FRYL: variants seen among roughly 807,000 people sequenced by gnomAD.
The protein encoded by FRYL is protein furry homolog-like.
In FRYL, 150 loss-of-function variants were observed where a neutral mutation model predicts 351.2. That is an observed-to-expected ratio of 0.43 (90% CI 0.37 to 0.49). The LOEUF is 0.49. FRYL is among the 20% of genes least tolerant of loss of function. The pLI, the probability that FRYL is intolerant of heterozygous loss-of-function variation, is 0.00. For missense variants in FRYL, 3,036 were observed against 3,619.3 expected, an observed-to-expected ratio of 0.84 and a Z score of 4.13; for synonymous variants, 1,153 against 1,257.1, an observed-to-expected ratio of 0.92 and a Z score of 1.75.
rs368158231 is a variant in FRYL at position 48,564,006 on chromosome 4, C to A, written c.3538G>T (p.Gly1180Cys). The A allele has an allele frequency of 6.2e-7, 1 of 1,614,146 alleles. No individual in the cohort carries two copies. The highest frequency in any genetic ancestry group is 1.1e-5 in the South Asian group (1 of 91,076). ...CAGCCGGCCGCCACCCTCCCGGAGC[C>A]CGTGTAGCAGCGGTCCACAGCCCAG... ...MYWAVDRCYT[G>C]SGRVAAGCFK... is the part of the protein sequence containing the mutation. Residue 1180 changes from glycine to cysteine, a missense_variant, in exon 31 of 64, where the codon GGC becomes TGC. Around this residue, in one of 7 missense-constraint regions of FRYL, gnomAD observed 1,987 missense variants for 2,311.7 expected, o/e 0.86. Transcript: ENST00000358350.
At position 48,606,523 on chromosome 4, in the gene FRYL, A is replaced by G; in HGVS notation, c.656T>C (p.Val219Ala). ...TTTCATTCCCATTATTAAGCTGATG[A>G]CACTTTGTACCACATGTGGGCTTTG... ...KEQSPHVVQS[V>A]ISLIMGMKFF... Residue 219 changes from valine to alanine, a missense_variant, in exon 10 of 64, where the codon GTC (valine) becomes GCC (alanine). This residue lies in a region of FRYL where 457 missense variants were observed against 566.6 expected (regional missense o/e 0.81). Transcript: ENST00000358350. 1 of 1,613,252 alleles carries G rather than the reference A, an allele frequency of 6.2e-7. No individual in the cohort carries two copies. The highest frequency in any genetic ancestry group is 1.1e-5 in the South Asian group (1 of 91,036).
At chr4:48,548,347 C>G (rs752747536) in intron 40 of FRYL, among the ~76,000 whole-genome samples, 2 of 152,170 alleles carry the variant, frequency 1.3e-5, no homozygotes, top group African/African-American at 2.4e-5. Context: ...CCTATCTCAA[C>G]TTTTCATTCA....
chr4:48,540,276 T>C (rs1729883223), intron 46 of FRYL, 77 bp downstream of exon 46: 3 of 1,460,196 alleles, frequency 2.1e-6, no homozygotes, highest in African/African-American at 1.4e-5. Flanking sequence ...CAGAAATTAG[T>C]AGATTTCAAA....
chr4:48,744,521 C>T (rs1051671142), intron 1 of FRYL, among the ~76,000 whole-genome samples: 1 of 152,108 alleles, frequency 6.6e-6, no homozygotes, highest in African/African-American at 2.4e-5. Flanking sequence ...CAGAGAAAAC[C>T]AACAAATAGT....
intron 7 of FRYL, among the ~76,000 whole-genome samples, chr4:48,610,643 A>T (rs1747889183): frequency 1.4e-5 from 2 of 147,124 alleles, no homozygotes; most frequent in African/African-American, 4.9e-5. Flanking sequence ...TATATATAGT[A>T]TATATGTATA....
intron 1 of FRYL, among the ~76,000 whole-genome samples, chr4:48,748,331 C>T (rs540863230): frequency 6.6e-6 from 1 of 152,264 alleles, no homozygotes; most frequent in South Asian, 2.1e-4. Context: ...AAATAGAACT[C>T]CGAAGTTATA....
intron 31 of FRYL, among the ~76,000 whole-genome samples, chr4:48,563,634 T>TAG: frequency 6.6e-6 from 1 of 151,078 alleles, no homozygotes; most frequent in East Asian, 2.0e-4. Context: ...CACTTGAGCC[T>TAG]AGGAGTTTGA....
chr4:48,733,757 G>A lies in FRYL; in HGVS notation c.-383-23059C>T, dbSNP rs575088872. Among the ~76,000 whole-genome samples the A allele has an allele frequency of 1.4e-3, 214 of 152,084 alleles. 1 individual carries two copies. Among genetic ancestry groups the A allele is most frequent in the African/African-American group, 4.6e-3 (190 of 41,504 alleles). On this transcript the variant is annotated intron_variant, in intron 1 of 63. Transcript: ENST00000358350. ...ATTAGGATTATTTTATTATAATAAG[G>A]TACTCACACTACTGATGTATATTGC...
chr4:48,616,376 C>G (rs1749434584), intron 7 of FRYL, among the ~76,000 whole-genome samples: 1 of 152,104 alleles, frequency 6.6e-6, no homozygotes, highest in Non-Finnish European at 1.5e-5. Flanking sequence ...CATTTCTTCA[C>G]CTGTAAAGTG....
At chr4:48,585,075 C>A (rs1334424150) in intron 19 of FRYL, among the ~76,000 whole-genome samples, 1 of 152,124 alleles carries the variant, frequency 6.6e-6, no homozygotes, top group Non-Finnish European at 1.5e-5. Flanking sequence ...GATGGGAGAT[C>A]TACTCTTGTG....
chr4:48,696,672 T>C (rs1162456966), intron 2 of FRYL, among the ~76,000 whole-genome samples: 1 of 152,128 alleles, frequency 6.6e-6, no homozygotes, highest in East Asian at 1.9e-4. Context: ...TCTGCACTTG[T>C]ATCCCGGAAC....
chr4:48,761,899 T>C (rs1665643158), intron 1 of FRYL, among the ~76,000 whole-genome samples: 1 of 152,204 alleles, frequency 6.6e-6, no homozygotes, highest in African/African-American at 2.4e-5. Flanking sequence ...TTTCTCAGAA[T>C]GTATCCCCAT....
chr4:48,748,464 A>C (rs1016776540), intron 1 of FRYL, among the ~76,000 whole-genome samples: 2 of 152,148 alleles, frequency 1.3e-5, no homozygotes, highest in African/African-American at 4.8e-5. Context: ...TCTGGGAAGG[A>C]GCACATGTGC....
Position 48,575,143 on chromosome 4 carries a change from A to G in FRYL, c.2820T>C (p.Leu940=). Residue 940 remains leucine (L), a synonymous_variant, in exon 25 of 64, where the codon CTT becomes CTC. Transcript: ENST00000358350. ...TAAAAGCTCCTGGGTTGGTCCTGCC[A>G]AGACCTAGAACAAGGGATTCTGTGA... ...MEITESLVLG[L]GRTNPGAFRE... is the part of the protein sequence containing the mutation. 1 of 1,613,962 alleles carries G rather than the reference A, an allele frequency of 6.2e-7. No homozygotes were observed.
intron 57 of FRYL, among the ~76,000 whole-genome samples, chr4:48,511,189 G>A (rs2148768316): frequency 6.6e-6 from 1 of 152,236 alleles, no homozygotes; most frequent in South Asian, 2.1e-4. Flanking sequence ...TTACAAAATA[G>A]TATTACTGAA....
At chr4:48,689,066 T>A (rs903000166) in intron 2 of FRYL, among the ~76,000 whole-genome samples, 2 of 152,224 alleles carry the variant, frequency 1.3e-5, no homozygotes, top group African/African-American at 2.4e-5. Flanking sequence ...AAAAATGCTG[T>A]GTAATGATAC....
At chr4:48,765,751 G>C (rs373813324) in intron 1 of FRYL, among the ~76,000 whole-genome samples, 2 of 152,254 alleles carry the variant, frequency 1.3e-5, no homozygotes, top group East Asian at 3.9e-4. Flanking sequence ...TATCCAAAAA[G>C]AGGTTAATTT....
At chr4:48,702,455 C>CAAA (rs34675617) in intron 2 of FRYL, among the ~76,000 whole-genome samples, 6 of 29,430 alleles carry the variant, frequency 2.0e-4, no homozygotes, top group East Asian at 1.3e-3. Flanking sequence ...GACTCTGTCT[C>CAAA]AAAAAAAAAA....
At chr4:48,572,999 A>C (rs1738684872) in intron 26 of FRYL, among the ~76,000 whole-genome samples, 187 bp downstream of exon 26, 1 of 152,212 alleles carries the variant, frequency 6.6e-6, no homozygotes, top group Non-Finnish European at 1.5e-5. Flanking sequence ...ACTTAAGTTA[A>C]AGCAATTTTT....
Sources: gnomAD v4.1 joint callset for allele counts (sites outside exome capture counted in the v4.1 genomes callset) on GRCh38, gnomAD v4.1.1 for gene constraint, gnomAD v4.1.1 regional missense constraint, MANE v1.5 for transcripts, NCBI Gene and HGNC (gene_info 2026-07-23, HGNC 2026-07-21) for gene names.